Variants in DLD observed in about 807,000 individuals in gnomAD.
The protein encoded by DLD is dihydrolipoyl dehydrogenase, mitochondrial.
A neutral mutation model predicts 62.2 loss-of-function variants in DLD; 36 were observed. That is an observed-to-expected ratio of 0.58 (90% CI 0.44 to 0.76). DLD has a LOEUF of 0.76. Among genes scored for constraint, DLD ranks in the 30% least tolerant of loss-of-function variants. The pLI is 0.00. For missense variants in DLD, 541 were observed against 608.6 expected, an observed-to-expected ratio of 0.89 and a Z score of 1.17; for synonymous variants, 204 against 199.6, an observed-to-expected ratio of 1.02 and a Z score of -0.19.
In DLD at chr7:107,902,346, G is replaced by A; in HGVS notation, c.220G>A (p.Glu74Lys). The A allele has an allele frequency of 6.2e-7, 1 of 1,613,870 alleles. No homozygotes were observed. Among genetic ancestry groups the A allele is most frequent in the East Asian group, 2.2e-5 (1 of 44,808 alleles). Residue 74 changes from glutamate to lysine, a missense_variant, in exon 4 of 14, where the codon GAA becomes AAA. Transcript: ENST00000205402. Reference protein sequence around the residue: ...GFKTVCIEKNETLGGTCLNVG... With the variant: ...GFKTVCIEKNKTLGGTCLNVG... ...GTAGACAGTCTGCATTGAGAAAAAT[G>A]AAACACTTGGTGGAACATGCTTGAA...
chr7:107,903,116 C>T (rs933224753), intron 4 of DLD, among the ~76,000 whole-genome samples: 6 of 152,056 alleles, frequency 3.9e-5, no homozygotes, highest in Admixed American at 2.0e-4. Context: ...AAGAGAATAT[C>T]GGCCGGGCGC....
chr7:107,894,884 A>C (rs543680704), intron 2 of DLD, among the ~76,000 whole-genome samples: 2 of 152,360 alleles, frequency 1.3e-5, no homozygotes, highest in East Asian at 3.9e-4. Context: ...TCTGAGGTAC[A>C]TGCTTACTGT....
intron 8 of DLD, among the ~76,000 whole-genome samples, chr7:107,910,155 G>A (rs908829713): frequency 2.6e-5 from 4 of 152,056 alleles, no homozygotes; most frequent in African/African-American, 4.8e-5. Context: ...ACACCCAGCC[G>A]GGAATTAACT....
intron 8 of DLD, among the ~76,000 whole-genome samples, chr7:107,907,504 T>G (rs186818597): frequency 3.3e-5 from 5 of 152,298 alleles, no homozygotes; most frequent in Admixed American, 6.5e-5. Flanking sequence ...CTCCCTCAAG[T>G]TGATGTCCTA....
At position 107,916,980 on chromosome 7, in the gene DLD, G is replaced by A. The variant is rs766014238; in HGVS notation, c.1046+16G>A. 2 of 1,611,682 alleles carry A rather than the reference G, an allele frequency of 1.2e-6. No individual in the cohort carries two copies. The highest frequency in any genetic ancestry group is 3.3e-5 in the Admixed American group (2 of 59,942). On this transcript the variant is annotated intron_variant, in intron 10 of 13. Transcript: ENST00000205402. ...AAATTCCAAAGTAAGTTGGATAATT[G>A]TCTGCATTTTCAGTAATTTTAAAAT...
At chr7:107,898,757 A>AT (rs541630212) in intron 2 of DLD, among the ~76,000 whole-genome samples, 1 of 149,824 alleles carries the variant, frequency 6.7e-6, no homozygotes, top group South Asian at 2.1e-4. Context: ...CGCCCGGCTA[A>AT]TTTTTTTTGT....
chr7:107,896,960 C>T (rs557402345), intron 2 of DLD, among the ~76,000 whole-genome samples: 1 of 151,916 alleles, frequency 6.6e-6, no homozygotes, highest in South Asian at 2.1e-4. Context: ...CTCAGCCTCC[C>T]GAGTAGCTGG....
chr7:107,905,108 C>G (rs543706045), intron 6 of DLD, 50 bp downstream of exon 6: 3 of 1,328,708 alleles, frequency 2.3e-6, no homozygotes, highest in Admixed American at 1.8e-5. Flanking sequence ...ACAAATTAAA[C>G]TTTGCATTAT....
intron 2 of DLD, among the ~76,000 whole-genome samples, chr7:107,900,672 C>T (rs1357942418): frequency 1.3e-5 from 2 of 152,142 alleles, no homozygotes; most frequent in African/African-American, 2.4e-5. Context: ...GTCTCTGCAA[C>T]TCACTTGCTG....
At chr7:107,903,932 C>T (rs745660291) in intron 5 of DLD, among the ~76,000 whole-genome samples, 1 of 152,088 alleles carries the variant, frequency 6.6e-6, no homozygotes, top group East Asian at 1.9e-4. Flanking sequence ...CCCACTTAAG[C>T]TGTTGATAGT....
chr7:107,905,555 G>A (rs779034272), intron 7 of DLD, 51 bp downstream of exon 7: 41 of 1,558,356 alleles, frequency 2.6e-5, no homozygotes, highest in Admixed American at 1.7e-4. Context: ...TTAGAAATAC[G>A]TTTTATAAGT....
chr7:107,899,274 C>T (rs547274232), intron 2 of DLD, among the ~76,000 whole-genome samples: 3 of 150,030 alleles, frequency 2.0e-5, no homozygotes, highest in Admixed American at 6.7e-5. Context: ...CATTTTTGTG[C>T]ATCTTAGCAC....
chr7:107,914,628 T>A (rs1192328045), intron 8 of DLD, among the ~76,000 whole-genome samples: 1 of 152,296 alleles, frequency 6.6e-6, no homozygotes, highest in East Asian at 1.9e-4. Context: ...ATTAATGAGA[T>A]TTTTTAAATG....
At chr7:107,909,770 A>G (rs1422570015) in intron 8 of DLD, among the ~76,000 whole-genome samples, 1 of 151,710 alleles carries the variant, frequency 6.6e-6, no homozygotes, top group African/African-American at 2.4e-5. Context: ...CCTTGTGCTA[A>G]GTAAGTTCCC....
intron 4 of DLD, among the ~76,000 whole-genome samples, chr7:107,903,030 T>C (rs969422466): frequency 6.6e-6 from 1 of 152,230 alleles, no homozygotes; most frequent in Non-Finnish European, 1.5e-5. Context: ...ATGACTATAA[T>C]GTGGAATAAT....
chr7:107,893,370 AT>A (rs1322310237), intron 2 of DLD, 92 bp downstream of exon 2: 40 of 932,752 alleles, frequency 4.3e-5, no homozygotes, highest in South Asian at 3.7e-4. Context: ...GGAATAACTT[AT>A]GTTAAGTGTC....
At chr7:107,911,440 A>G (rs570159716) in intron 8 of DLD, among the ~76,000 whole-genome samples, 1 of 152,234 alleles carries the variant, frequency 6.6e-6, no homozygotes, top group East Asian at 1.9e-4. Flanking sequence ...TGACACTGCT[A>G]TGTCTATTTG....
At chr7:107,895,499 TATATC>T (rs2031697405) in intron 2 of DLD, among the ~76,000 whole-genome samples, 1 of 152,206 alleles carries the variant, frequency 6.6e-6, no homozygotes, top group Non-Finnish European at 1.5e-5. Context: ...TTACAGCACT[TATATC>T]ACTCACATTC....
intron 2 of DLD, among the ~76,000 whole-genome samples, chr7:107,900,723 G>T (rs1016849712): frequency 3.9e-5 from 6 of 152,056 alleles, no homozygotes; most frequent in African/African-American, 1.4e-4. Context: ...TGAACTTCTT[G>T]TTTATTCTGT....
Sources: allele counts gnomAD v4.1 joint callset (sites outside exome capture counted in the v4.1 genomes callset), GRCh38; gene constraint gnomAD v4.1.1; transcripts MANE v1.5; gene names NCBI Gene and HGNC (gene_info 2026-07-23, HGNC 2026-07-21).